CASZ1: variants seen among roughly 807,000 people sequenced by gnomAD.
CASZ1 encodes the protein zinc finger protein castor homolog 1.
Under a neutral mutation model 135.2 loss-of-function variants are expected in CASZ1, and 28 were observed. The observed-to-expected ratio is 0.21, with a 90% CI of 0.15 to 0.28. The LOEUF is 0.28. CASZ1 is among the 10% of genes least tolerant of loss of function. The pLI is 1.00. For synonymous variants in CASZ1, 1,068 were observed against 1,073.4 expected, an observed-to-expected ratio of 0.99 and a Z score of 0.10; for missense variants, 2,161 against 2,453.3, an observed-to-expected ratio of 0.88 and a Z score of 2.52.
chr1:10,701,583 A>G lies in CASZ1; in HGVS notation c.-24+3909T>C, dbSNP rs74902437. Among the ~76,000 whole-genome samples, 405 of 152,238 alleles carry G rather than the reference A, an allele frequency of 2.7e-3. 14 individuals carry two copies. In the East Asian group the frequency reaches 0.065, roughly 24 times the overall value. On this transcript the variant is annotated intron_variant, in intron 3 of 20. Coordinates refer to ENST00000377022, the MANE Select transcript of CASZ1 (RefSeq NM_001079843.3). This position sits in a 1 kb window ranked among gnomAD's most constrained non-coding sequence, Gnocchi z 6.3. The stretch of plus-strand genomic sequence containing the variant: ...ATAACGGGCAAAGGGCTGGAGGGAG[A>G]ACAGTGCGGGAGAGAGGAAGTACCA...
chr1:10,728,397 T>C (rs1373481019), intron 2 of CASZ1, among the ~76,000 whole-genome samples: 2 of 152,164 alleles, frequency 1.3e-5, no homozygotes, highest in Admixed American at 6.5e-5. Flanking sequence ...CTAGGTGCAA[T>C]GTGCAAACTA....
intron 4 of CASZ1, among the ~76,000 whole-genome samples, chr1:10,688,577 C>T (rs547774771): frequency 6.6e-6 from 1 of 152,144 alleles, no homozygotes; most frequent in Non-Finnish European, 1.5e-5. Context: ...GACAGCAGAC[C>T]GCTCCTCTCC....
chr1:10,639,886 C>T lies in CASZ1; in HGVS notation c.4336G>A (p.Ala1446Thr), dbSNP rs761502789. 2 of 1,612,586 alleles carry T rather than the reference C, an allele frequency of 1.2e-6. No homozygotes were observed. Among genetic ancestry groups the T allele is most frequent in the South Asian group, 1.1e-5 (1 of 91,028 alleles). The change falls in exon 21 of 21, where the codon GCA (alanine) becomes ACA (threonine). Residue 1446 changes from alanine to threonine, a missense_variant. Physicochemically the swap from Ala to Thr is moderately conservative, Grantham distance 58. Around this residue, in one of 7 missense-constraint regions of CASZ1, gnomAD observed 240 missense variants for 321.4 expected, o/e 0.75. Transcript: ENST00000377022. The surrounding 1 kb of genome is among the most constrained non-coding windows in gnomAD (Gnocchi z 4.0). ...ACCTTGAGCGAGAACTGACAAGCTG[C>T]GTCCTTGCAGTCCTCGTAAAGGTCG... The part of the protein sequence containing the change: ...RFDLYEDCKD[A>T]ACQFSLKVTH...
chr1:10,638,677 C>T lies in CASZ1; in HGVS notation c.*265G>A, dbSNP rs1642078965. The T allele has an allele frequency of 6.0e-6, 1 of 166,744 alleles. No homozygotes were observed. The highest frequency in any genetic ancestry group is 2.4e-5 in the African/African-American group (1 of 40,944). 10.3% of individuals were successfully genotyped at this position (166,744 alleles called of 1,614,324 possible). On this transcript the variant is annotated 3_prime_UTR_variant, in exon 21 of 21. Coordinates refer to ENST00000377022, the MANE Select transcript of CASZ1 (RefSeq NM_001079843.3). The surrounding 1 kb of genome is among the most constrained non-coding windows in gnomAD (Gnocchi z 5.9). Reference sequence around the variant, plus strand: ...GGAGCTGCGCCGCATTCGCCCGGGACCCCTGCTCCTAGGTTCCCTACCCCG... The same window carrying T: ...GGAGCTGCGCCGCATTCGCCCGGGATCCCTGCTCCTAGGTTCCCTACCCCG...
At chr1:10,738,100 G>A (rs78581889) in intron 2 of CASZ1, among the ~76,000 whole-genome samples, 2 of 152,194 alleles carry the variant, frequency 1.3e-5, no homozygotes, top group Non-Finnish European at 2.9e-5. Context: ...GGGTGGGGAC[G>A]AGCAATCGAG....
intron 3 of CASZ1, among the ~76,000 whole-genome samples, chr1:10,696,478 A>C (rs1485601029): frequency 2.0e-5 from 3 of 152,212 alleles, no homozygotes; most frequent in Non-Finnish European, 2.9e-5. Context: ...TGCTCCCGAC[A>C]TGGGATCTCA....
intron 4 of CASZ1, 122 bp downstream of exon 4, chr1:10,693,752 G>GGCCCCC: frequency 1.3e-6 from 1 of 774,928 alleles, no homozygotes; most frequent in Non-Finnish European, 2.3e-6. Flanking sequence ...GGAGGCAGCC[G>GGCCCCC]CCCGACCCTC....
At chr1:10,722,352 C>T (rs750820079) in intron 2 of CASZ1, among the ~76,000 whole-genome samples, 4 of 152,242 alleles carry the variant, frequency 2.6e-5, no homozygotes, top group Non-Finnish European at 4.4e-5. Flanking sequence ...TCTGGTGCCA[C>T]GCAGTTCCAA....
Position 10,777,379 on chromosome 1 carries a change from C to T in CASZ1, c.-233-16522G>A, listed in dbSNP as rs932789103. ...GACTTCACCCTTCACCCACAAGCCTCCTTTCTCTTATTGGTCAAACCACCG... is the reference window on the plus strand; with the variant it reads ...GACTTCACCCTTCACCCACAAGCCTTCTTTCTCTTATTGGTCAAACCACCG... On this transcript the variant is annotated intron_variant, in intron 1 of 20. Coordinates refer to ENST00000377022, the MANE Select transcript of CASZ1 (RefSeq NM_001079843.3). The surrounding 1 kb of genome is among the most constrained non-coding windows in gnomAD (Gnocchi z 4.4). Among the ~76,000 whole-genome samples the T allele has an allele frequency of 6.6e-6, 1 of 152,144 alleles. No individual in the cohort carries two copies.
chr1:10,759,740 C>A lies in CASZ1; in HGVS notation c.-77+961G>T, dbSNP rs1369064725. Among the ~76,000 whole-genome samples, 5 of 152,130 alleles carry A rather than the reference C, an allele frequency of 3.3e-5. No individual in the cohort carries two copies. The highest frequency in any genetic ancestry group is 2.0e-4 in the Admixed American group (3 of 15,282). Reference sequence around the variant, plus strand: ...GGCAGGACACACCTGCCCAGAGTGACCATGGGGAGGAAGAGCGCAGGCAGG... The same window carrying A: ...GGCAGGACACACCTGCCCAGAGTGAACATGGGGAGGAAGAGCGCAGGCAGG... On this transcript the variant is annotated intron_variant, in intron 2 of 20. Transcript: ENST00000377022. The surrounding 1 kb of genome is among the most constrained non-coding windows in gnomAD (Gnocchi z 4.2).
rs2100434153 is a variant in CASZ1 at position 10,701,944 on chromosome 1, T to G, written c.-24+3548A>C. On this transcript the variant is annotated intron_variant, in intron 3 of 20. Coordinates refer to ENST00000377022, the MANE Select transcript of CASZ1 (RefSeq NM_001079843.3). This position sits in a 1 kb window ranked among gnomAD's most constrained non-coding sequence, Gnocchi z 6.3. The stretch of plus-strand genomic sequence containing the variant: ...CATCCCCCGTTGGGCTGAGCCATCC[T>G]GCCTACTGAGGCTTCTCTTGGGCTT... Among the ~76,000 whole-genome samples the G allele has an allele frequency of 6.6e-6, 1 of 152,352 alleles. No individual in the cohort carries two copies. Among genetic ancestry groups the G allele is most frequent in the African/African-American group, 2.4e-5 (1 of 41,580 alleles).
At chr1:10,714,908 C>T (rs542423629) in intron 2 of CASZ1, among the ~76,000 whole-genome samples, 6 of 152,290 alleles carry the variant, frequency 3.9e-5, no homozygotes, top group African/African-American at 1.4e-4. Flanking sequence ...AGCATTGGCC[C>T]TCCCCAAGCA....
chr1:10,686,685 C>T (rs1233433835), intron 4 of CASZ1, among the ~76,000 whole-genome samples: 1 of 152,250 alleles, frequency 6.6e-6, no homozygotes, highest in Non-Finnish European at 1.5e-5. Context: ...TGCTTCTCCC[C>T]TTAATGGGGC....
intron 5 of CASZ1, among the ~76,000 whole-genome samples, chr1:10,661,761 C>G (rs1467306508): frequency 6.6e-6 from 1 of 151,434 alleles, no homozygotes; most frequent in Admixed American, 6.6e-5. Flanking sequence ...CATACTCTCA[C>G]CCACAGTCAC....
rs1250958258 is a variant in CASZ1 at position 10,757,712 on chromosome 1, C to T, written c.-77+2989G>A. ...CTGAGGCAGGAGAATCACCTGAACC[C>T]GGGAGGCGGAGGTTGCAGTGAGCCA... On this transcript the variant is annotated intron_variant, in intron 2 of 20. Transcript: ENST00000377022. This position sits in a 1 kb window ranked among gnomAD's most constrained non-coding sequence, Gnocchi z 4.6. Among the ~76,000 whole-genome samples the T allele has an allele frequency of 3.3e-5, 5 of 152,128 alleles. No homozygotes were observed. Among genetic ancestry groups the T allele is most frequent in the Non-Finnish European group, 7.4e-5 (5 of 68,018 alleles).
chr1:10,734,550 A>C (rs911993136), intron 2 of CASZ1, among the ~76,000 whole-genome samples: 1 of 152,152 alleles, frequency 6.6e-6, no homozygotes, highest in Non-Finnish European at 1.5e-5. Flanking sequence ...AAAATACACT[A>C]ATTAAAATTT....
rs1199484750 is a variant in CASZ1, at chr1:10,642,891, C to T, written c.4130G>A (p.Ser1377Asn). 1 of 1,613,006 alleles carries T rather than the reference C, an allele frequency of 6.2e-7. No homozygotes were observed. The highest frequency in any genetic ancestry group is 8.5e-7 in the Non-Finnish European group (1 of 1,179,948). The change falls in exon 20 of 21, where the codon AGC (serine) becomes AAC (asparagine). Residue 1377 changes from serine (S) to asparagine (N), a missense_variant. Ser to Asn is a conservative substitution (Grantham distance 46, BLOSUM62 1). Transcript: ENST00000377022. Reference sequence around the variant, plus strand: ...GGTGCTCTCGTTACCCACGGGGGTGCTGGAGCAGCTCCGGTCCATGGTGGA... The same window carrying T: ...GGTGCTCTCGTTACCCACGGGGGTGTTGGAGCAGCTCCGGTCCATGGTGGA... ...ESSTMDRSCS[S>N]TPVGNESTAA...
Position 10,694,025 on chromosome 1 carries a change from C to G in CASZ1, c.-23-113G>C, listed in dbSNP as rs1205000914. On this transcript the variant is annotated intron_variant, in intron 3 of 20. Coordinates refer to ENST00000377022, the MANE Select transcript of CASZ1 (RefSeq NM_001079843.3). This position sits in a 1 kb window ranked among gnomAD's most constrained non-coding sequence, Gnocchi z 6.6. ...CCCCCGCCCCGCAGGAGCGGCCCGT[C>G]CCGGGCGGGCGCCGAGGCCGCGGCG... 1.0e-6 allele frequency: 1 copy of G among 990,144 alleles called. No individual in the cohort carries two copies. Among genetic ancestry groups the G allele is most frequent in the African/African-American group, 1.7e-5 (1 of 57,300 alleles). The allele number at this position is 990,144 out of a possible 1,614,324, so 61.3% of individuals were successfully genotyped here.
At chr1:10,728,010 G>T (rs2100500570) in intron 2 of CASZ1, among the ~76,000 whole-genome samples, 1 of 152,364 alleles carries the variant, frequency 6.6e-6, no homozygotes, top group East Asian at 1.9e-4. Context: ...AGAACGAGGG[G>T]TCCTACCACC....
Sources: allele counts gnomAD v4.1 joint callset (sites outside exome capture counted in the v4.1 genomes callset), GRCh38; gene constraint gnomAD v4.1.1; regional missense constraint gnomAD v4.1.1; non-coding constraint Gnocchi (gnomAD v3.1); transcripts MANE v1.5; gene names NCBI Gene and HGNC (gene_info 2026-07-23, HGNC 2026-07-21).